Variants in SLIT3 observed in about 807,000 individuals in gnomAD.
SLIT3 encodes the protein slit homolog 3 protein.
SLIT3 carries 68 observed loss-of-function variants against 184.0 expected under a neutral mutation model. That is an observed-to-expected ratio of 0.37 (90% confidence interval 0.30 to 0.45). The LOEUF is 0.45. SLIT3 is among the 20% of genes least tolerant of loss of function. SLIT3 has a pLI of 1.00. For synonymous variants in SLIT3, 831 were observed against 828.6 expected (o/e 1.00, Z -0.05); for missense variants, 1,707 against 2,026.0 (o/e 0.84, Z 3.02).
rs770647560 is a variant in SLIT3 at position 168,774,250 on chromosome 5, T to C, written c.1280A>G (p.Gln427Arg). 3.1e-6 allele frequency: 5 copies of C among 1,612,556 alleles called. No homozygotes were observed. Among genetic ancestry groups the C allele is most frequent in the Non-Finnish European group, 4.2e-6 (5 of 1,179,304 alleles). ...GTGTACTCACAGTGTCTGGATGGAC[T>C]GCAGAGGGGCGAAGAGCCCCTTGCT... ...TISKGLFAPLQSIQTLHLAQN... is the reference protein window; with the variant it reads ...TISKGLFAPLRSIQTLHLAQN... Residue 427 changes from glutamine (Q) to arginine (R), a missense_variant, in exon 13 of 36, where the codon CAG (glutamine) becomes CGG (arginine). Around this residue, in one of 3 missense-constraint regions of SLIT3, gnomAD observed 1,307 missense variants for 1,511.6 expected, o/e 0.86. Transcript: ENST00000519560.
Position 169,229,417 on chromosome 5 carries a change from G to T in SLIT3, c.341+15288C>A, listed in dbSNP as rs537830579. Among the ~76,000 whole-genome samples the T allele has an allele frequency of 7.2e-5, 11 of 152,242 alleles. No individual in the cohort carries two copies. In the South Asian group the frequency reaches 2.3e-3, roughly 32 times the overall value. ...TGTTTTGTCTGTATGTCTTTTTAGAGTACTTTAACACATACATACTTTCTG... is the reference window on the plus strand; with the variant it reads ...TGTTTTGTCTGTATGTCTTTTTAGATTACTTTAACACATACATACTTTCTG... On this transcript the variant is annotated intron_variant, in intron 3 of 35. Transcript: ENST00000519560.
rs34716268 is a variant in SLIT3 at position 169,137,290 on chromosome 5, CTCTT to C, written c.413+56185_413+56188del. On this transcript the variant is annotated intron_variant, in intron 4 of 35. Coordinates refer to ENST00000519560, the MANE Select transcript of SLIT3 (RefSeq NM_003062.4). The stretch of plus-strand genomic sequence containing the variant: ...CTCTCTCAATTAATCTCCCCCTCTT[CTCTT>C]TCTATCTACATACACACACACACAC... Among the ~76,000 whole-genome samples the C allele has an allele frequency of 7.1e-3, 1,064 of 149,056 alleles. 11 individuals carry two copies. Among genetic ancestry groups the C allele is most frequent in the Middle Eastern group, 0.021 (6 of 292 alleles).
chr5:169,173,073 C>A (rs1409237881), intron 4 of SLIT3, among the ~76,000 whole-genome samples: 1 of 152,162 alleles, frequency 6.6e-6, no homozygotes, highest in East Asian at 1.9e-4. Context: ...ACCAGGCTGA[C>A]TAACATGATG....
intron 4 of SLIT3, among the ~76,000 whole-genome samples, chr5:169,006,605 T>TCTCTCTCTCTCTCTCTCACA (rs899753279): frequency 6.9e-6 from 1 of 145,794 alleles, no homozygotes; most frequent in African/African-American, 2.6e-5. Context: ...TCTCTCTCTC[T>TCTCTCTCTCTCTCTCTCACA]CACACACACA....
chr5:169,187,554 TCTTTC>T (rs1561724247), intron 4 of SLIT3, among the ~76,000 whole-genome samples: 1 of 76,086 alleles, frequency 1.3e-5, no homozygotes, highest in African/African-American at 7.4e-5. Flanking sequence ...TTTCTTTCTT[TCTTTC>T]TTTTTTTTTT....
chr5:169,039,814 A>G (rs1757387138), intron 4 of SLIT3, among the ~76,000 whole-genome samples: 1 of 152,170 alleles, frequency 6.6e-6, no homozygotes, highest in South Asian at 2.1e-4. Context: ...TGCCTTATTA[A>G]AACGAATTCA....
At chr5:168,716,117 G>A (rs963359269) in intron 23 of SLIT3, among the ~76,000 whole-genome samples, 5 of 152,196 alleles carry the variant, frequency 3.3e-5, no homozygotes, top group Non-Finnish European at 5.9e-5. Context: ...GTAGGTGTGC[G>A]CCAGCATGCC....
At chr5:169,205,726 C>A (rs1480399025) in intron 3 of SLIT3, among the ~76,000 whole-genome samples, 1 of 152,230 alleles carries the variant, frequency 6.6e-6, no homozygotes, top group East Asian at 1.9e-4. Context: ...AAGTTGCGTG[C>A]TGCTGCCCAA....
chr5:168,772,688 A>G, intron 14 of SLIT3, 93 bp downstream of exon 14: 1 of 1,403,618 alleles, frequency 7.1e-7, no homozygotes, highest in Admixed American at 1.8e-5. Flanking sequence ...GAGCCATTAC[A>G]GTGCTCGCTG....
chr5:168,919,569 G>T (rs182561678), intron 4 of SLIT3, among the ~76,000 whole-genome samples: 1 of 151,832 alleles, frequency 6.6e-6, no homozygotes, highest in African/African-American at 2.4e-5. Flanking sequence ...TTTAATAATG[G>T]CTACCTCTGT....
chr5:168,798,491 AG>A (rs936044850), intron 9 of SLIT3, among the ~76,000 whole-genome samples: 1 of 151,824 alleles, frequency 6.6e-6, no homozygotes, highest in African/African-American at 2.4e-5. Flanking sequence ...AGCATCCCAA[AG>A]TGCTGAGATG....
intron 4 of SLIT3, among the ~76,000 whole-genome samples, chr5:169,117,708 A>G (rs191386257): frequency 1.6e-3 from 243 of 152,288 alleles, no homozygotes; most frequent in Middle Eastern, 3.4e-3. Flanking sequence ...TTCTTTGGAG[A>G]TATCTAACAA....
At position 168,762,532 on chromosome 5, in the gene SLIT3, G is replaced by T; in HGVS notation, c.1610+7C>A. On this transcript the variant is annotated splice_region_variant and intron_variant, in intron 15 of 35. Transcript: ENST00000519560. Reference sequence around the variant, plus strand: ...GAGTAGGGAGTTCACGCCGAGGTTGGACTTACAGGTCGGTGACATATTCAG... The same window carrying T: ...GAGTAGGGAGTTCACGCCGAGGTTGTACTTACAGGTCGGTGACATATTCAG... 6.2e-7 allele frequency: 1 copy of T among 1,611,272 alleles called. No homozygotes were observed. Among genetic ancestry groups the T allele is most frequent in the South Asian group, 1.1e-5 (1 of 91,032 alleles).
chr5:168,955,406 C>A (rs957735716), intron 4 of SLIT3, among the ~76,000 whole-genome samples: 4 of 152,006 alleles, frequency 2.6e-5, no homozygotes, highest in Non-Finnish European at 5.9e-5. Flanking sequence ...CAATTGCTCC[C>A]CACTCTCCCT....
intron 4 of SLIT3, among the ~76,000 whole-genome samples, chr5:169,011,356 C>T (rs1484529348): frequency 6.6e-6 from 1 of 152,218 alleles, no homozygotes; most frequent in African/African-American, 2.4e-5. Context: ...TAAGTCTCCA[C>T]TGCTTGTGGC....
At chr5:168,818,470 A>G (rs971471408) in intron 7 of SLIT3, among the ~76,000 whole-genome samples, 2 of 152,194 alleles carry the variant, frequency 1.3e-5, no homozygotes, top group African/African-American at 4.8e-5. Flanking sequence ...AGGTCTCTCT[A>G]TCAGGGGTTT....
At chr5:169,023,184 C>G (rs1009371783) in intron 4 of SLIT3, among the ~76,000 whole-genome samples, 2 of 152,118 alleles carry the variant, frequency 1.3e-5, no homozygotes. Context: ...ATGCATATAA[C>G]TAGGTACAAT....
chr5:168,724,854 G>A (rs1471438268), intron 20 of SLIT3, among the ~76,000 whole-genome samples: 4 of 152,098 alleles, frequency 2.6e-5, no homozygotes, highest in Non-Finnish European at 5.9e-5. Flanking sequence ...TATGTAGCAG[G>A]AAGTCACAGT....
intron 4 of SLIT3, among the ~76,000 whole-genome samples, chr5:169,093,673 T>A (rs1184974977): frequency 1.3e-5 from 2 of 152,222 alleles, no homozygotes; most frequent in Admixed American, 1.3e-4. Flanking sequence ...TATATTATTG[T>A]TAGAATTTAT....
Sources: allele counts gnomAD v4.1 joint callset (sites outside exome capture counted in the v4.1 genomes callset), GRCh38; gene constraint gnomAD v4.1.1; regional missense constraint gnomAD v4.1.1; transcripts MANE v1.5; gene names NCBI Gene and HGNC (gene_info 2026-07-23, HGNC 2026-07-21).